Variants in C1QTNF9 observed in about 807,000 individuals in gnomAD.
C1QTNF9 encodes C1q and TNF related 9, also known as complement C1q and tumor necrosis factor-related protein 9A.
A neutral mutation model predicts 10.1 loss-of-function variants in C1QTNF9; 6 were observed. That is an observed-to-expected ratio of 0.59 (90% CI 0.32 to 1.17). The LOEUF (loss-of-function observed/expected upper bound fraction) is 1.17. Among genes scored for constraint, C1QTNF9 ranks in the 50% most tolerant of loss-of-function variants. The pLI is 0.04. For synonymous variants in C1QTNF9, 98 were observed against 163.5 expected (o/e 0.60, Z 3.06); for missense variants, 201 against 418.8 (o/e 0.48, Z 4.54).
chr13:24,312,989 A>T (rs1355014898), intron 1 of C1QTNF9, among the ~76,000 whole-genome samples: 1 of 151,778 alleles, frequency 6.6e-6, no homozygotes, highest in Non-Finnish European at 1.5e-5. Context: ...AATAGTGCCA[A>T]CCTAGGTGGT....
intron 1 of C1QTNF9, among the ~76,000 whole-genome samples, chr13:24,314,421 GC>G (rs1877951261): frequency 6.6e-6 from 1 of 151,918 alleles, no homozygotes; most frequent in African/African-American, 2.4e-5. Flanking sequence ...AATGGCTCAT[GC>G]CTGTAATCCC....
At chr13:24,317,471 G>A (rs1878084963) in intron 2 of C1QTNF9, among the ~76,000 whole-genome samples, 3 of 151,740 alleles carry the variant, frequency 2.0e-5, no homozygotes, top group South Asian at 2.1e-4. Flanking sequence ...ATTCTTTCAA[G>A]TTTTATATAC....
intron 1 of C1QTNF9, among the ~76,000 whole-genome samples, chr13:24,310,125 C>A (rs1202904444): frequency 6.6e-6 from 1 of 151,796 alleles, no homozygotes; most frequent in Non-Finnish European, 1.5e-5. Context: ...AACTCCTGAC[C>A]TTATGATCCA....
intron 1 of C1QTNF9, among the ~76,000 whole-genome samples, chr13:24,314,754 G>GA (rs1182283355): frequency 6.6e-6 from 1 of 152,124 alleles, no homozygotes; most frequent in Non-Finnish European, 1.5e-5. Context: ...TGAAGCAAGA[G>GA]AATCGCTTGA....
chr13:24,310,059 A>G (rs1189781668), intron 1 of C1QTNF9, among the ~76,000 whole-genome samples: 1 of 148,720 alleles, frequency 6.7e-6, no homozygotes, highest in Non-Finnish European at 1.5e-5. Context: ...ACACCCTGCT[A>G]ATTTTTGTAT....
intron 1 of C1QTNF9, among the ~76,000 whole-genome samples, chr13:24,312,667 T>A (rs562655615): frequency 3.2e-4 from 48 of 152,204 alleles, no homozygotes; most frequent in Non-Finnish European, 5.9e-4. Context: ...TAAAAAATAG[T>A]GCCAAGCGGC....
At chr13:24,318,275 T>C (rs946756891) in intron 2 of C1QTNF9, among the ~76,000 whole-genome samples, 13 of 152,204 alleles carry the variant, frequency 8.5e-5, no homozygotes, top group Admixed American at 2.6e-4. Flanking sequence ...CCAGCTTGAT[T>C]GGTGGCATTT....
At chr13:24,310,664 A>C (rs1593530209) in intron 1 of C1QTNF9, among the ~76,000 whole-genome samples, 2 of 151,840 alleles carry the variant, frequency 1.3e-5, no homozygotes, top group East Asian at 3.9e-4. Flanking sequence ...CTGTAATCCC[A>C]GCACTTTGGG....
At chr13:24,311,226 A>G (rs1877809212) in intron 1 of C1QTNF9, among the ~76,000 whole-genome samples, 1 of 152,230 alleles carries the variant, frequency 6.6e-6, no homozygotes, top group South Asian at 2.1e-4. Context: ...CTTGGAGAAA[A>G]TTAATCAGGA....
At chr13:24,315,801 A>G in intron 1 of C1QTNF9, 181 bp from the exon 2 acceptor site, 1 of 627,256 alleles carries the variant, frequency 1.6e-6, no homozygotes, top group Non-Finnish European at 2.7e-6. Context: ...CCTTCCAAGG[A>G]CAGTGTCATT....
chr13:24,316,279 C>T, intron 2 of C1QTNF9, 110 bp downstream of exon 2: 8 of 1,476,370 alleles, frequency 5.4e-6, no homozygotes, highest in Non-Finnish European at 7.4e-6. Context: ...CCCCATCCAT[C>T]CATACATACA....
chr13:24,317,955 C>T (rs1035220540), intron 2 of C1QTNF9, among the ~76,000 whole-genome samples: 1 of 152,102 alleles, frequency 6.6e-6, no homozygotes, highest in Non-Finnish European at 1.5e-5. Flanking sequence ...GCTGGTGTCC[C>T]AGGAGAACAG....
chr13:24,318,665 C>G (rs1488093717), intron 2 of C1QTNF9, among the ~76,000 whole-genome samples, 153 bp from the exon 3 acceptor site: 2 of 152,252 alleles, frequency 1.3e-5, no homozygotes, highest in Non-Finnish European at 2.9e-5. Context: ...TCATGCCTGC[C>G]TCTCTCCACC....
chr13:24,315,824 A>C, intron 1 of C1QTNF9, 158 bp from the exon 2 acceptor site: 1 of 697,106 alleles, frequency 1.4e-6, no homozygotes, highest in South Asian at 2.0e-5. Flanking sequence ...GGTTATAATC[A>C]GCTTGCTCCC....
At chr13:24,310,442 C>T (rs143043154) in intron 1 of C1QTNF9, among the ~76,000 whole-genome samples, 2,406 of 151,778 alleles carry the variant, frequency 0.016, 12 homozygotes, top group Non-Finnish European at 0.019. Context: ...TGAGCCACCA[C>T]GCCCGGCCTA....
In C1QTNF9 at chr13:24,318,898, A is replaced by G. The variant is rs1285338500; in HGVS notation, c.229+18A>G. On this transcript the variant is annotated intron_variant, in intron 3 of 3. Coordinates refer to ENST00000332018, the Ensembl canonical transcript of C1QTNF9. ...AGAACGAGGTTAGTAGTTCCTATTTATGGTGCTCTAATTCTGAGCTGTCGA... is the reference window on the plus strand; with the variant it reads ...AGAACGAGGTTAGTAGTTCCTATTTGTGGTGCTCTAATTCTGAGCTGTCGA... The G allele has an allele frequency of 6.2e-7, 1 of 1,613,794 alleles. No homozygotes were observed. Among genetic ancestry groups the G allele is most frequent in the Non-Finnish European group, 8.5e-7 (1 of 1,179,624 alleles).
In C1QTNF9 at chr13:24,318,769, A is replaced by T. The variant is rs1878139476; in HGVS notation, c.167-49A>T. The T allele has an allele frequency of 3.1e-6, 5 of 1,613,232 alleles. No homozygotes were observed. In the African/African-American group the frequency reaches 6.7e-5, roughly 21 times the overall value. On this transcript the variant is annotated intron_variant, in intron 2 of 3. Transcript: ENST00000332018. The stretch of plus-strand genomic sequence containing the variant: ...CTGATGGAGACCAATGGCCAGAAAA[A>T]TCAGAAATGGAATTTCAACTCATGC...
At chr13:24,315,881 C>A (rs549976035) in intron 1 of C1QTNF9, 101 bp from the exon 2 acceptor site, 70 of 1,273,582 alleles carry the variant, frequency 5.5e-5, no homozygotes, top group Non-Finnish European at 7.7e-5. Flanking sequence ...GGGTCTGGGG[C>A]AGGGGACAGC....
At chr13:24,308,593 G>A (rs551517942), upstream of C1QTNF9, among the ~76,000 whole-genome samples, 103 of 152,308 alleles carry the variant, frequency 6.8e-4, 5 homozygotes, top group South Asian at 0.021. Flanking sequence ...AGAGGGAGTC[G>A]GCGCCGCCGA....
Sources: allele counts gnomAD v4.1 joint callset (sites outside exome capture counted in the v4.1 genomes callset), GRCh38; gene constraint gnomAD v4.1.1; transcripts MANE v1.5; gene names NCBI Gene and HGNC (gene_info 2026-07-23, HGNC 2026-07-21).